The following ZFPM2 variants were observed in gnomAD, a reference collection of about 807,000 sequenced individuals.
The protein encoded by ZFPM2 is zinc finger protein, FOG family member 2.
A neutral mutation model predicts 98.6 loss-of-function variants in ZFPM2; 20 were observed. That is an observed-to-expected ratio of 0.20 (90% CI 0.14 to 0.29). The LOEUF (loss-of-function observed/expected upper bound fraction) is 0.29, where lower values mean the gene tolerates loss of function less well. Among genes scored for constraint, ZFPM2 ranks in the 10% least tolerant of loss-of-function variants. The pLI is 1.00. For missense variants in ZFPM2, 1,310 were observed against 1,388.6 expected, an observed-to-expected ratio of 0.94 and a Z score of 0.90; for synonymous variants, 518 against 502.7, an observed-to-expected ratio of 1.03 and a Z score of -0.41.
chr8:105,473,334 T>C (rs1365107310), intron 3 of ZFPM2, among the ~76,000 whole-genome samples: 1 of 152,212 alleles, frequency 6.6e-6, no homozygotes, highest in African/African-American at 2.4e-5. Flanking sequence ...AGATGCTACT[T>C]TGTGTAATCA....
chr8:105,519,723 A>G (rs985734480), intron 3 of ZFPM2, among the ~76,000 whole-genome samples: 4 of 152,064 alleles, frequency 2.6e-5, no homozygotes, highest in African/African-American at 7.2e-5. Context: ...CACACATGCA[A>G]TATAGGAACA....
In ZFPM2 at chr8:105,425,894, C is replaced by A. The variant is rs151221347; in HGVS notation, c.199+6592C>A. 5.9e-3 allele frequency among the ~76,000 whole-genome samples: 905 copies of A among 152,132 alleles called. 9 individuals are homozygous for A. The highest frequency in any genetic ancestry group is 0.021 in the African/African-American group (872 of 41,482). ...CAGTTTTGGCTGTGGGAGTAGTAAC[C>A]GTTGTTTTTCATTTGATCCCATGTC... On this transcript the variant is annotated intron_variant, in intron 2 of 7. Transcript: ENST00000407775.
intron 3 of ZFPM2, among the ~76,000 whole-genome samples, chr8:105,529,702 T>C (rs1202985701): frequency 6.6e-6 from 1 of 151,950 alleles, no homozygotes; most frequent in Non-Finnish European, 1.5e-5. Context: ...AGAGCTAAGT[T>C]TATGCAGAAA....
intron 3 of ZFPM2, among the ~76,000 whole-genome samples, chr8:105,539,041 A>AAACAC (rs1177427615): frequency 6.6e-6 from 1 of 151,998 alleles, no homozygotes; most frequent in Non-Finnish European, 1.5e-5. Context: ...AAACAAAACA[A>AAACAC]AACACCAGAC....
chr8:105,700,418 G>C (rs1158337765), intron 5 of ZFPM2, among the ~76,000 whole-genome samples: 1 of 152,138 alleles, frequency 6.6e-6, no homozygotes, highest in Non-Finnish European at 1.5e-5. Context: ...CTGGTTGCCT[G>C]GTTATTTGAT....
Position 105,318,866 on chromosome 8 carries a change from G to GGTGGCGGGA in ZFPM2, c.-75_-74insTGGCGGGAG, listed in dbSNP as rs1554593931. 2 of 820,168 alleles carry GGTGGCGGGA rather than the reference G, an allele frequency of 2.4e-6. No homozygotes were observed. Among genetic ancestry groups the GGTGGCGGGA allele is most frequent in the African/African-American group, 1.9e-5 (1 of 51,898 alleles). The allele number at this position is 820,168 out of a possible 1,614,324, so 50.8% of individuals were successfully genotyped here. A position where few individuals can be genotyped will look rare whatever the true frequency, so the allele number is the denominator to read the frequency against. ...GGCCAGCGGCGGCGGCGGCGGCGGC[G>GGTGGCGGGA]GCGGCGGGAGCCGAGGGAGCGGCAG... On this transcript the variant is annotated 5_prime_UTR_variant, in exon 1 of 8. Coordinates refer to ENST00000407775, the MANE Select transcript of ZFPM2 (RefSeq NM_012082.4).
intron 5 of ZFPM2, among the ~76,000 whole-genome samples, chr8:105,714,403 C>T (rs773170691): frequency 7.9e-5 from 12 of 152,050 alleles, no homozygotes; most frequent in Middle Eastern, 3.4e-3. Context: ...GAATCATATC[C>T]TCCACAAAGA....
At chr8:105,549,185 A>G (rs1183202657) in intron 3 of ZFPM2, among the ~76,000 whole-genome samples, 3 of 151,990 alleles carry the variant, frequency 2.0e-5, no homozygotes, top group Non-Finnish European at 2.9e-5. Flanking sequence ...TCTATACTCT[A>G]TATTCATGTT....
chr8:105,798,808 G>A lies in ZFPM2; in HGVS notation c.824G>A (p.Gly275Glu). ...LQAHLMYYCSGRQREAAPVSE... is the reference protein window; with the variant it reads ...LQAHLMYYCSERQREAAPVSE... ...GCCCATTTGATGTACTACTGCAGTG[G>A]GAGGCAAAGAGAAGCTGCTCCGGTG... The change falls in exon 7 of 8, where the codon GGG (glycine) becomes GAG (glutamate). Residue 275 changes from glycine to glutamate, a missense_variant. Coordinates refer to ENST00000407775, the MANE Select transcript of ZFPM2 (RefSeq NM_012082.4). The A allele has an allele frequency of 6.2e-7, 1 of 1,613,916 alleles. No individual in the cohort carries two copies. Among genetic ancestry groups the A allele is most frequent in the Non-Finnish European group, 8.5e-7 (1 of 1,179,862 alleles).
chr8:105,682,156 T>G (rs908541330), intron 5 of ZFPM2, among the ~76,000 whole-genome samples: 1 of 152,174 alleles, frequency 6.6e-6, no homozygotes. Context: ...ATGTGATTAA[T>G]ATCAGCATCA....
At chr8:105,443,007 A>G (rs140473854) in intron 2 of ZFPM2, among the ~76,000 whole-genome samples, 10 of 152,156 alleles carry the variant, frequency 6.6e-5, no homozygotes, top group Admixed American at 3.3e-4. Context: ...AAGCAATTTA[A>G]TTTAAAAATC....
chr8:105,799,300 T>C (rs1214638792), intron 7 of ZFPM2, among the ~76,000 whole-genome samples: 2 of 152,192 alleles, frequency 1.3e-5, no homozygotes, highest in Admixed American at 6.5e-5. Context: ...GATCATAGTG[T>C]TTCCTATATG....
chr8:105,614,939 T>C (rs1816382623), intron 4 of ZFPM2, among the ~76,000 whole-genome samples: 1 of 152,190 alleles, frequency 6.6e-6, no homozygotes, highest in Non-Finnish European at 1.5e-5. Context: ...TACTATCAAC[T>C]GGCCTTATCA....
At chr8:105,499,757 C>A (rs1813551069) in intron 3 of ZFPM2, among the ~76,000 whole-genome samples, 1 of 151,898 alleles carries the variant, frequency 6.6e-6, no homozygotes. Context: ...TTAGAGGAGA[C>A]CCAGGAGTTT....
In ZFPM2 at chr8:105,803,160, G is replaced by C; in HGVS notation, c.3078G>C (p.Ala1026=). 2 of 1,613,882 alleles carry C rather than the reference G, an allele frequency of 1.2e-6. No homozygotes were observed. Among genetic ancestry groups the C allele is most frequent in the Non-Finnish European group, 1.7e-6 (2 of 1,179,846 alleles). ...KGQASSNGCA[A]LKKDSLPLLP... is the part of the protein sequence containing the mutation. The stretch of plus-strand genomic sequence containing the variant: ...AGGCTTCCTCAAATGGGTGTGCTGC[G>C]CTGAAGAAAGATTCTCTGCCATTGT... The change falls in exon 8 of 8, where the codon GCG becomes GCC. Residue 1026 remains alanine, a synonymous_variant. Coordinates refer to ENST00000407775, the MANE Select transcript of ZFPM2 (RefSeq NM_012082.4).
intron 1 of ZFPM2, among the ~76,000 whole-genome samples, chr8:105,362,304 G>T (rs1810415738): frequency 6.6e-6 from 1 of 151,880 alleles, no homozygotes; most frequent in Non-Finnish European, 1.5e-5. Context: ...ATGTAATATT[G>T]TGAGGTGACA....
intron 1 of ZFPM2, among the ~76,000 whole-genome samples, chr8:105,342,124 C>T (rs1812440921): frequency 6.6e-6 from 1 of 152,018 alleles, no homozygotes; most frequent in South Asian, 2.1e-4. Flanking sequence ...GAAGACATCT[C>T]TACACTTAAT....
Position 105,790,077 on chromosome 8 carries a change from C to T in ZFPM2, c.739+1153C>T, listed in dbSNP as rs1334332327. ...GGTAGTTTCTTTTGCTGTGCAGAAG[C>T]TCTTTAGTTTAATTAGATCCCATTT... is the stretch of plus-strand genomic sequence containing the variant. On this transcript the variant is annotated intron_variant, in intron 6 of 7. Transcript: ENST00000407775. 1.9e-4 allele frequency among the ~76,000 whole-genome samples: 29 copies of T among 151,366 alleles called. 1 individual carries two copies. The highest frequency in any genetic ancestry group is 1.9e-3 in the Admixed American group (29 of 15,204).
chr8:105,681,517 A>G (rs1188803284), intron 5 of ZFPM2, among the ~76,000 whole-genome samples: 1 of 152,190 alleles, frequency 6.6e-6, no homozygotes, highest in Non-Finnish European at 1.5e-5. Flanking sequence ...GTGTGTGTGT[A>G]TTAAGAAGAG....
Sources: gnomAD v4.1 joint callset for allele counts (sites outside exome capture counted in the v4.1 genomes callset) on GRCh38, gnomAD v4.1.1 for gene constraint, MANE v1.5 for transcripts, NCBI Gene and HGNC (gene_info 2026-07-23, HGNC 2026-07-21) for gene names.